Variants in SIPA1L2 observed in about 807,000 individuals in gnomAD.
The protein encoded by SIPA1L2 is signal-induced proliferation-associated 1-like protein 2.
A neutral mutation model predicts 163.9 loss-of-function variants in SIPA1L2; 56 were observed. The ratio of observed to expected loss-of-function variants is 0.34; its 90% CI spans 0.28 to 0.43. The LOEUF (loss-of-function observed/expected upper bound fraction) is 0.43. SIPA1L2 is among the 20% of genes least tolerant of loss of function. The probability of loss-of-function intolerance (pLI) is 1.00; values close to 1 mark genes in which losing one functional copy is unlikely to be tolerated. For synonymous variants in SIPA1L2, 877 were observed against 865.7 expected (o/e 1.01, Z -0.23); for missense variants, 1,974 against 2,193.5 (o/e 0.90, Z 2.00).
At chr1:232,519,688 G>A (rs987645183) in intron 2 of SIPA1L2, among the ~76,000 whole-genome samples, 3 of 152,212 alleles carry the variant, frequency 2.0e-5, no homozygotes, top group African/African-American at 7.2e-5. Context: ...CAAACAAAAA[G>A]GCCATGGTAT....
chr1:232,440,723 G>T (rs1007453071), intron 14 of SIPA1L2, among the ~76,000 whole-genome samples: 2 of 152,152 alleles, frequency 1.3e-5, no homozygotes, highest in Non-Finnish European at 2.9e-5. Flanking sequence ...AACAATTCCT[G>T]TTTCTGCATT....
intron 19 of SIPA1L2, among the ~76,000 whole-genome samples, chr1:232,406,090 A>G (rs1455429563): frequency 6.6e-6 from 1 of 152,244 alleles, no homozygotes; most frequent in African/African-American, 2.4e-5. Flanking sequence ...TTGATTAAGT[A>G]CAGACACCAA....
Position 232,515,307 on chromosome 1 carries a change from C to T in SIPA1L2, c.33G>A (p.Lys11=). 6.2e-7 allele frequency: 1 copy of T among 1,607,702 alleles called. No individual in the cohort carries two copies. The highest frequency in any genetic ancestry group is 8.5e-7 in the Non-Finnish European group (1 of 1,176,348). MSDPRQSQEE[K]HKLGRASSKF... Reference sequence around the variant, plus strand: ...TTGAAGAGGCTCTGCCTAGCTTGTGCTTCTCTTCTTGTGACTGCCTTGGGT... The same window carrying T: ...TTGAAGAGGCTCTGCCTAGCTTGTGTTTCTCTTCTTGTGACTGCCTTGGGT... Residue 11 remains lysine, a synonymous_variant, in exon 3 of 23, where the codon AAG becomes AAA. Coordinates refer to ENST00000674635, the MANE Select transcript of SIPA1L2 (RefSeq NM_020808.5).
In SIPA1L2 at chr1:232,464,857, T is replaced by C; in HGVS notation, c.2803A>G (p.Ile935Val). The change falls in exon 9 of 23, where the codon ATT becomes GTT. Residue 935 changes from isoleucine (I) to valine (V), a missense_variant. By Grantham distance (29) the Ile-to-Val change is conservative. Transcript: ENST00000674635. ...GTACTTACTACTAATCGCTGAACAA[T>C]TTCCCTGATGTCTTCAGCACAGTTG... The part of the protein sequence containing the change: ...VDNCAEDIRE[I>V]VQRLVIVTRG... The C allele has an allele frequency of 1.2e-6, 2 of 1,602,296 alleles. No individual in the cohort carries two copies. Among genetic ancestry groups the C allele is most frequent in the Non-Finnish European group, 1.7e-6 (2 of 1,174,410 alleles).
At chr1:232,471,204 C>T (rs1664779592) in intron 8 of SIPA1L2, among the ~76,000 whole-genome samples, 167 bp downstream of exon 8, 1 of 151,984 alleles carries the variant, frequency 6.6e-6, no homozygotes, top group Non-Finnish European at 1.5e-5. Context: ...TTCACTTTTT[C>T]AAGGGGATAA....
At chr1:232,596,423 C>A (rs1379443288) in intron 1 of SIPA1L2, among the ~76,000 whole-genome samples, 1 of 152,188 alleles carries the variant, frequency 6.6e-6, no homozygotes, top group East Asian at 1.9e-4. Flanking sequence ...AAACTAACTT[C>A]ACAGGAGAGC....
At position 232,399,004 on chromosome 1, in the gene SIPA1L2, T is replaced by C; in HGVS notation, c.*123A>G. 1 of 1,368,090 alleles carries C rather than the reference T, an allele frequency of 7.3e-7. No homozygotes were observed. The highest frequency in any genetic ancestry group is 1.4e-5 in the South Asian group (1 of 73,144). The allele number at this position is 1,368,090 out of a possible 1,614,324, so 84.7% of individuals were successfully genotyped here. A position where few individuals can be genotyped will look rare whatever the true frequency, so the allele number is the denominator to read the frequency against. Reference sequence around the variant, plus strand: ...CCTATCCTGCTGTGGTGAATGGTGCTACACAGAATGGAACAGCAAAAACAT... The same window carrying C: ...CCTATCCTGCTGTGGTGAATGGTGCCACACAGAATGGAACAGCAAAAACAT... On this transcript the variant is annotated 3_prime_UTR_variant, in exon 23 of 23. Transcript: ENST00000674635.
At chr1:232,471,337 T>G (rs1246192470) in intron 8 of SIPA1L2, 34 bp downstream of exon 8, 1 of 1,576,372 alleles carries the variant, frequency 6.3e-7, no homozygotes, top group Non-Finnish European at 8.6e-7. Context: ...GAAATAAACC[T>G]GGGAGAATGA....
At chr1:232,537,142 G>T (rs1185347759) in intron 2 of SIPA1L2, among the ~76,000 whole-genome samples, 1 of 152,100 alleles carries the variant, frequency 6.6e-6, no homozygotes, top group Admixed American at 6.5e-5. Flanking sequence ...AGGCTGAGGT[G>T]GGAGGATCAC....
intron 2 of SIPA1L2, among the ~76,000 whole-genome samples, 111 bp downstream of exon 2, chr1:232,574,063 C>A (rs1443320980): frequency 6.6e-6 from 1 of 152,112 alleles, no homozygotes; most frequent in Non-Finnish European, 1.5e-5. Flanking sequence ...TACACTCTAT[C>A]AGCCTAGGGA....
Position 232,461,063 on chromosome 1 carries a change from A to G in SIPA1L2, c.2919T>C (p.Asp973=), listed in dbSNP as rs199629762. 333 of 1,614,272 alleles carry G rather than the reference A, an allele frequency of 2.1e-4. 3 individuals are homozygous for G. In the African/African-American group the frequency reaches 3.9e-3, roughly 19 times the overall value. Residue 973 remains aspartate (D), a synonymous_variant, in exon 10 of 23, where the codon GAT becomes GAC. Transcript: ENST00000674635. ...FHVNFEGIVA[D]VEPFGFAWKA... is the part of the protein sequence containing the mutation. The stretch of plus-strand genomic sequence containing the variant: ...TCCAGGCAAAGCCAAAAGGTTCCAC[A>G]TCTGCGACAATTCCTTCAAAATTCA...
chr1:232,538,552 G>A (rs753635260), intron 2 of SIPA1L2, among the ~76,000 whole-genome samples: 14 of 152,014 alleles, frequency 9.2e-5, no homozygotes, highest in Non-Finnish European at 1.5e-4. Flanking sequence ...TTCACCACTG[G>A]CACTCAAATG....
intron 2 of SIPA1L2, among the ~76,000 whole-genome samples, chr1:232,572,345 C>T (rs947810919): frequency 2.0e-5 from 3 of 152,174 alleles, no homozygotes; most frequent in Non-Finnish European, 4.4e-5. Context: ...GGAAGCACCT[C>T]CCATTTCCTA....
At chr1:232,592,672 A>G (rs1661024980) in intron 1 of SIPA1L2, among the ~76,000 whole-genome samples, 4 of 152,276 alleles carry the variant, frequency 2.6e-5, no homozygotes, top group Admixed American at 2.6e-4. Context: ...TTCTAGAACT[A>G]AACAACAACA....
In SIPA1L2 at chr1:232,425,677, G is replaced by A; in HGVS notation, c.4542C>T (p.Pro1514=). ...GGGTGGTGCTGAACAGAATGTCGTT[G>A]GGCAGGGCCTGGTCAAGCACGGAAC... is the stretch of plus-strand genomic sequence containing the variant. ...SRSSVLDQAL[P]NDILFSTTPP... The change falls in exon 18 of 23, where the codon CCC becomes CCT. Residue 1514 remains proline, a synonymous_variant. Coordinates refer to ENST00000674635, the MANE Select transcript of SIPA1L2 (RefSeq NM_020808.5). 6.2e-7 allele frequency: 1 copy of A among 1,613,812 alleles called. No individual in the cohort carries two copies. The highest frequency in any genetic ancestry group is 8.5e-7 in the Non-Finnish European group (1 of 1,179,954).
chr1:232,411,653 G>A (rs182206676), intron 19 of SIPA1L2, among the ~76,000 whole-genome samples: 1 of 150,888 alleles, frequency 6.6e-6, no homozygotes, highest in Admixed American at 6.6e-5. Flanking sequence ...CAGTTTTTGT[G>A]GAATCTTTTT....
At chr1:232,512,846 A>G (rs534888470) in intron 3 of SIPA1L2, among the ~76,000 whole-genome samples, 4 of 152,256 alleles carry the variant, frequency 2.6e-5, no homozygotes, top group Non-Finnish European at 4.4e-5. Context: ...GCTCCCAGCT[A>G]TCTGTGCTAG....
chr1:232,469,306 T>C (rs936577796), intron 8 of SIPA1L2, among the ~76,000 whole-genome samples: 1 of 152,218 alleles, frequency 6.6e-6, no homozygotes, highest in Non-Finnish European at 1.5e-5. Flanking sequence ...GACTATACCA[T>C]TTCCTTGGAA....
At chr1:232,474,988 T>A (rs1664969484) in intron 7 of SIPA1L2, among the ~76,000 whole-genome samples, 1 of 152,078 alleles carries the variant, frequency 6.6e-6, no homozygotes, top group African/African-American at 2.4e-5. Context: ...CTGTACAACA[T>A]GAAAGAGAAC....
Sources: gnomAD v4.1 joint callset for allele counts (sites outside exome capture counted in the v4.1 genomes callset) on GRCh38, gnomAD v4.1.1 for gene constraint, MANE v1.5 for transcripts, NCBI Gene and HGNC (gene_info 2026-07-23, HGNC 2026-07-21) for gene names.